The following RCOR1 variants were observed in gnomAD, a reference collection of about 807,000 sequenced individuals.
RCOR1 encodes the protein REST corepressor.
Under a neutral mutation model 64.0 loss-of-function variants are expected in RCOR1, and 12 were observed. The ratio of observed to expected loss-of-function variants is 0.19; its 90% CI spans 0.12 to 0.30. The LOEUF (loss-of-function observed/expected upper bound fraction) is 0.30. Among genes scored for constraint, RCOR1 ranks in the 10% least tolerant of loss-of-function variants. The pLI, the probability that RCOR1 is intolerant of heterozygous loss-of-function variation, is 1.00. For missense variants in RCOR1, 502 were observed against 621.2 expected (o/e 0.81, Z 2.04); for synonymous variants, 279 against 227.2 (o/e 1.23, Z -2.05).
chr14:102,647,340 T>C (rs960450567), intron 2 of RCOR1, among the ~76,000 whole-genome samples: 27 of 152,148 alleles, frequency 1.8e-4, no homozygotes, highest in Non-Finnish European at 2.5e-4. Flanking sequence ...TTTTTTGAGA[T>C]GGAGTCTCGC....
At chr14:102,676,236 A>C (rs1211738266) in intron 2 of RCOR1, among the ~76,000 whole-genome samples, 1 of 150,032 alleles carries the variant, frequency 6.7e-6, no homozygotes. Flanking sequence ...CACACCTCCC[A>C]GACGGGGTCG....
chr14:102,708,226 A>G (rs1274590285), intron 5 of RCOR1, among the ~76,000 whole-genome samples: 2 of 152,020 alleles, frequency 1.3e-5, no homozygotes, highest in Non-Finnish European at 2.9e-5. Flanking sequence ...CGGCCTCCCA[A>G]AGTGCTGGGA....
At chr14:102,669,100 G>A (rs1894977350) in intron 2 of RCOR1, among the ~76,000 whole-genome samples, 2 of 151,986 alleles carry the variant, frequency 1.3e-5, no homozygotes, top group Admixed American at 6.6e-5. Context: ...ACCTGAAGTC[G>A]GGAGTTTGAG....
intron 2 of RCOR1, among the ~76,000 whole-genome samples, chr14:102,678,220 C>T (rs1376589435): frequency 1.3e-5 from 2 of 150,834 alleles, no homozygotes; most frequent in Non-Finnish European, 3.0e-5. Flanking sequence ...GAGAGGGAGA[C>T]GAGAGGGAGA....
At chr14:102,649,860 T>G (rs1894548821) in intron 2 of RCOR1, 1 of 834,530 alleles carries the variant, frequency 1.2e-6, no homozygotes, top group Non-Finnish European at 1.4e-6. Context: ...TTATCTAACT[T>G]GGTTGTGTAT....
rs554882741 is a variant in RCOR1, at chr14:102,703,467, C to A, written c.498+2137C>A. On this transcript the variant is annotated intron_variant, in intron 4 of 11. Transcript: ENST00000262241. ...CTTGATAGCAGCAAGAGAGAACTAA[C>A]CTATTACATATAAGGGATCCTGAAT... Among the ~76,000 whole-genome samples the A allele has an allele frequency of 2.6e-5, 4 of 152,242 alleles. No individual in the cohort carries two copies. The East Asian group carries it at 5.8e-4, about 22-fold the overall frequency.
At chr14:102,655,951 TCA>T (rs57847726) in intron 2 of RCOR1, 15,691 of 866,540 alleles carry the variant, frequency 0.018, 55 homozygotes, top group South Asian at 0.04. Flanking sequence ...AGACTTTTTG[TCA>T]CACACACACA....
intron 2 of RCOR1, among the ~76,000 whole-genome samples, chr14:102,635,360 C>T (rs1226057246): frequency 3.9e-5 from 6 of 151,946 alleles, no homozygotes; most frequent in Admixed American, 1.3e-4. Context: ...AAAAAGTAGC[C>T]GGGTGTCATG....
In RCOR1 at chr14:102,617,941, T is replaced by C. The variant is rs188607774; in HGVS notation, c.361+24616T>C. Among the ~76,000 whole-genome samples the C allele has an allele frequency of 2.3e-4, 35 of 150,914 alleles. No individual in the cohort carries two copies. The East Asian group carries it at 6.1e-3, about 26-fold the overall frequency. ...ACAGTAATTTTTCTCTTTTATGGGA[T>C]ACTACACTTACATAAGTTTCTTTTT... is the stretch of plus-strand genomic sequence containing the variant. On this transcript the variant is annotated intron_variant, in intron 2 of 11. Transcript: ENST00000262241.
At chr14:102,679,864 A>G (rs542015536) in intron 2 of RCOR1, among the ~76,000 whole-genome samples, 1 of 152,274 alleles carries the variant, frequency 6.6e-6, no homozygotes, top group Admixed American at 6.5e-5. Flanking sequence ...AAGTCTTCCA[A>G]CTTTGCTCTT....
intron 2 of RCOR1, among the ~76,000 whole-genome samples, chr14:102,624,140 G>A (rs1893931859): frequency 6.6e-6 from 1 of 152,024 alleles, no homozygotes; most frequent in Non-Finnish European, 1.5e-5. Context: ...AGCTTGCAGT[G>A]AGCTGAAATT....
At chr14:102,647,503 A>G (rs1001621605) in intron 2 of RCOR1, among the ~76,000 whole-genome samples, 3 of 151,896 alleles carry the variant, frequency 2.0e-5, no homozygotes, top group South Asian at 4.2e-4. Context: ...TTTTTAGTAG[A>G]GACGGGGTTT....
At chr14:102,618,229 G>A (rs185876929) in intron 2 of RCOR1, among the ~76,000 whole-genome samples, 1,541 of 151,900 alleles carry the variant, frequency 0.01, 16 homozygotes, top group Admixed American at 0.015. Flanking sequence ...CCCCTGCCTC[G>A]GCCTCCCAAA....
At chr14:102,711,156 T>G in intron 7 of RCOR1, 143 bp downstream of exon 7, 1 of 608,952 alleles carries the variant, frequency 1.6e-6, no homozygotes, top group South Asian at 2.3e-5. Context: ...AACAATACTG[T>G]CTTTGCTTTA....
chr14:102,670,038 C>T (rs1010628038), intron 2 of RCOR1, among the ~76,000 whole-genome samples: 4 of 152,114 alleles, frequency 2.6e-5, no homozygotes, highest in Non-Finnish European at 5.9e-5. Context: ...GCAACCTCTG[C>T]CTCCTGGGTT....
chr14:102,677,938 T>C (rs1394107274), intron 2 of RCOR1, among the ~76,000 whole-genome samples: 2 of 151,542 alleles, frequency 1.3e-5, no homozygotes, highest in Non-Finnish European at 3.0e-5. Context: ...CGAGACTCCG[T>C]CTGCAATCCC....
At chr14:102,634,106 A>C (rs1055553815) in intron 2 of RCOR1, among the ~76,000 whole-genome samples, 1 of 152,096 alleles carries the variant, frequency 6.6e-6, no homozygotes, top group African/African-American at 2.4e-5. Flanking sequence ...GGTTAGATGG[A>C]GTACTGGCTT....
intron 2 of RCOR1, among the ~76,000 whole-genome samples, chr14:102,652,008 T>G (rs1427994127): frequency 2.0e-5 from 3 of 152,224 alleles, no homozygotes; most frequent in Non-Finnish European, 4.4e-5. Context: ...TTAGAATAAG[T>G]AGAAATTGCT....
intron 2 of RCOR1, among the ~76,000 whole-genome samples, chr14:102,678,712 T>G (rs1380544508): frequency 1.3e-5 from 2 of 152,230 alleles, no homozygotes; most frequent in African/African-American, 4.8e-5. Flanking sequence ...TGCAAAACTT[T>G]CCCAGAATGG....
Sources: gnomAD v4.1 joint callset for allele counts (sites outside exome capture counted in the v4.1 genomes callset) on GRCh38, gnomAD v4.1.1 for gene constraint, MANE v1.5 for transcripts, NCBI Gene and HGNC (gene_info 2026-07-23, HGNC 2026-07-21) for gene names.